KCNH7: variants seen among roughly 807,000 people sequenced by gnomAD.
KCNH7 encodes potassium voltage-gated channel subfamily H member 7, also known as voltage-gated inwardly rectifying potassium channel KCNH7.
In KCNH7, 49 loss-of-function variants were observed where a neutral mutation model predicts 120.8. That is an observed-to-expected ratio of 0.41 (90% confidence interval 0.32 to 0.51). KCNH7 has a LOEUF of 0.51. Among genes scored for constraint, KCNH7 ranks in the 20% least tolerant of loss-of-function variants. KCNH7 has a pLI of 0.38. For missense variants in KCNH7, 1,097 were observed against 1,446.6 expected (o/e 0.76, Z 3.92); for synonymous variants, 547 against 516.1 (o/e 1.06, Z -0.81).
At chr2:162,484,220 AAC>A (rs71960380) in intron 6 of KCNH7, among the ~76,000 whole-genome samples, 158 of 146,400 alleles carry the variant, frequency 1.1e-3, no homozygotes, top group Middle Eastern at 3.5e-3. Flanking sequence ...TGAGTCTTTC[AAC>A]ACACACACAC....
chr2:162,694,344 G>GC (rs1267176791), intron 2 of KCNH7, among the ~76,000 whole-genome samples: 1 of 152,138 alleles, frequency 6.6e-6, no homozygotes, highest in Non-Finnish European at 1.5e-5. Flanking sequence ...AACTCAGACT[G>GC]TTCTCCTCTA....
Position 162,394,374 on chromosome 2 carries a change from A to G in KCNH7, c.2710+15T>C, listed in dbSNP as rs1362171063. 2.9e-6 allele frequency: 4 copies of G among 1,375,572 alleles called. No individual in the cohort carries two copies. In the African/African-American group the frequency reaches 5.7e-5, roughly 20 times the overall value. The allele number at this position is 1,375,572 out of a possible 1,614,324, so 85.2% of individuals were successfully genotyped here. ...ACATGCTCTACATTTAAACTTTAGGAATGGAATGAATTACCTTTCTCTCCT... is the reference window on the plus strand; with the variant it reads ...ACATGCTCTACATTTAAACTTTAGGGATGGAATGAATTACCTTTCTCTCCT... On this transcript the variant is annotated intron_variant, in intron 12 of 15. Coordinates refer to ENST00000332142, the MANE Select transcript of KCNH7 (RefSeq NM_033272.4).
intron 2 of KCNH7, among the ~76,000 whole-genome samples, chr2:162,554,616 G>A (rs1435843089): frequency 1.3e-5 from 2 of 152,028 alleles, no homozygotes; most frequent in African/African-American, 2.4e-5. Context: ...AAGCAATGTA[G>A]CATCTTTAAA....
At chr2:162,638,623 A>T (rs1348574351) in intron 2 of KCNH7, among the ~76,000 whole-genome samples, 1 of 152,152 alleles carries the variant, frequency 6.6e-6, no homozygotes, top group Non-Finnish European at 1.5e-5. Flanking sequence ...GATTAAATGT[A>T]TTTGATGACT....
chr2:162,649,755 C>A (rs974780472), intron 2 of KCNH7, among the ~76,000 whole-genome samples: 2 of 152,070 alleles, frequency 1.3e-5, no homozygotes, highest in African/African-American at 4.8e-5. Flanking sequence ...AGAACATTTA[C>A]TCTAAGTTAA....
intron 3 of KCNH7, among the ~76,000 whole-genome samples, chr2:162,528,528 G>A (rs1340298048): frequency 6.6e-6 from 1 of 151,940 alleles, no homozygotes; most frequent in Non-Finnish European, 1.5e-5. Flanking sequence ...ATACAAATTA[G>A]GTGGAATAAA....
chr2:162,511,090 TAATA>T (rs2105769191), intron 5 of KCNH7, among the ~76,000 whole-genome samples: 1 of 151,750 alleles, frequency 6.6e-6, no homozygotes, highest in African/African-American at 2.4e-5. Context: ...GAAATCTATG[TAATA>T]AATAAAGAAT....
At chr2:162,804,383 G>A (rs528244437) in intron 2 of KCNH7, among the ~76,000 whole-genome samples, 1 of 151,864 alleles carries the variant, frequency 6.6e-6, no homozygotes, top group African/African-American at 2.4e-5. Flanking sequence ...TAAAGTCTCA[G>A]GTTAAAAAAA....
At chr2:162,519,593 C>T (rs1226940213) in intron 3 of KCNH7, among the ~76,000 whole-genome samples, 1 of 151,734 alleles carries the variant, frequency 6.6e-6, no homozygotes, top group Non-Finnish European at 1.5e-5. Context: ...AGTAAAACTT[C>T]CACTCCTCAA....
chr2:162,739,823 A>C lies in KCNH7; in HGVS notation c.307+96714T>G, dbSNP rs894417471. Among the ~76,000 whole-genome samples the C allele has an allele frequency of 2.0e-5, 3 of 152,220 alleles. No individual in the cohort carries two copies. In the East Asian group the frequency reaches 5.8e-4, roughly 29 times the overall value. Reference sequence around the variant, plus strand: ...GCCACATTGAAAGATATGATCATTCAGACCTAGTAAGAAAAGACACATCAA... The same window carrying C: ...GCCACATTGAAAGATATGATCATTCCGACCTAGTAAGAAAAGACACATCAA... On this transcript the variant is annotated intron_variant, in intron 2 of 15. Transcript: ENST00000332142.
chr2:162,394,275 C>T (rs570927380), intron 12 of KCNH7, 114 bp downstream of exon 12: 13 of 690,736 alleles, frequency 1.9e-5, no homozygotes, highest in South Asian at 1.1e-4. Context: ...AGGATCTGCC[C>T]TCCTAAAGCC....
chr2:162,395,316 A>T (rs1686879470), intron 11 of KCNH7, among the ~76,000 whole-genome samples: 2 of 151,922 alleles, frequency 1.3e-5, no homozygotes, highest in Admixed American at 1.3e-4. Context: ...AATGTGTAAA[A>T]TAGTTAAAAT....
intron 2 of KCNH7, among the ~76,000 whole-genome samples, chr2:162,584,741 T>C (rs1693972660): frequency 6.6e-6 from 1 of 152,026 alleles, no homozygotes. Flanking sequence ...GATTATGCTT[T>C]TCCCCACTAA....
chr2:162,824,777 A>G (rs1685227274), intron 2 of KCNH7, among the ~76,000 whole-genome samples: 2 of 152,018 alleles, frequency 1.3e-5, no homozygotes, highest in South Asian at 4.1e-4. Flanking sequence ...GATATCCTAG[A>G]AGATTGTTTA....
intron 2 of KCNH7, among the ~76,000 whole-genome samples, chr2:162,589,405 T>TTGTG (rs141592943): frequency 6.6e-6 from 1 of 151,674 alleles, no homozygotes; most frequent in South Asian, 2.1e-4. Context: ...GTGTTTGTGT[T>TTGTG]TGTGTGTGTG....
At chr2:162,707,352 T>C (rs1034492585) in intron 2 of KCNH7, among the ~76,000 whole-genome samples, 1 of 152,114 alleles carries the variant, frequency 6.6e-6, no homozygotes, top group African/African-American at 2.4e-5. Context: ...AATGGCCAAA[T>C]TGACTAATAG....
At chr2:162,505,414 A>T (rs1283229742) in intron 5 of KCNH7, among the ~76,000 whole-genome samples, 1 of 151,902 alleles carries the variant, frequency 6.6e-6, no homozygotes, top group African/African-American at 2.4e-5. Context: ...AACATAACTT[A>T]CAATACAAGT....
chr2:162,562,726 C>T (rs951714279), intron 2 of KCNH7, among the ~76,000 whole-genome samples: 9 of 152,138 alleles, frequency 5.9e-5, no homozygotes, highest in Admixed American at 3.3e-4. Context: ...GTCAATAAAG[C>T]GATGGAATCT....
chr2:162,379,538 T>C (rs1686337275), intron 14 of KCNH7, among the ~76,000 whole-genome samples: 1 of 151,810 alleles, frequency 6.6e-6, no homozygotes, highest in Non-Finnish European at 1.5e-5. Flanking sequence ...AGAGGAAGGG[T>C]GTCAGTTAAC....
Sources: allele counts gnomAD v4.1 joint callset (sites outside exome capture counted in the v4.1 genomes callset), GRCh38; gene constraint gnomAD v4.1.1; transcripts MANE v1.5; gene names NCBI Gene and HGNC (gene_info 2026-07-23, HGNC 2026-07-21).